Variants in SAMD3 observed in about 807,000 individuals in gnomAD.
The protein encoded by SAMD3 is sterile alpha motif domain-containing protein 3.
SAMD3 carries 63 observed loss-of-function variants against 58.5 expected under a neutral mutation model. The observed-to-expected ratio is 1.08, with a 90% CI of 0.88 to 1.33. The LOEUF (loss-of-function observed/expected upper bound fraction) is 1.33, where lower values mean the gene tolerates loss of function less well. Ranked by LOEUF, SAMD3 falls within the 40% of genes most tolerant of loss-of-function variation. The pLI, the probability that SAMD3 is intolerant of heterozygous loss-of-function variation, is 0.00. For missense variants in SAMD3, 604 were observed against 608.4 expected (o/e 0.99, Z 0.08); for synonymous variants, 220 against 210.3 (o/e 1.05, Z -0.40).
intron 2 of SAMD3, among the ~76,000 whole-genome samples, chr6:130,301,520 A>G (rs1048897155): frequency 2.0e-5 from 3 of 152,212 alleles, no homozygotes; most frequent in African/African-American, 7.2e-5. Context: ...AGCAATCCAT[A>G]AATTCAATGC....
chr6:130,242,876 C>T (rs1175703473), intron 2 of SAMD3, among the ~76,000 whole-genome samples: 1 of 152,194 alleles, frequency 6.6e-6, no homozygotes, highest in African/African-American at 2.4e-5. Flanking sequence ...TAGCTGGAGT[C>T]AGGCACTGCC....
chr6:130,308,428 C>CTATTG (rs1776020785), intron 2 of SAMD3, among the ~76,000 whole-genome samples: 1 of 120,866 alleles, frequency 8.3e-6, no homozygotes, highest in Non-Finnish European at 1.9e-5. Flanking sequence ...CTATTCTATT[C>CTATTG]TATTCTATTC....
chr6:130,263,672 T>C (rs1465447222), intron 2 of SAMD3, among the ~76,000 whole-genome samples: 1 of 152,214 alleles, frequency 6.6e-6, no homozygotes, highest in Non-Finnish European at 1.5e-5. Context: ...ACCAAGTCAA[T>C]TTCGCCTCAA....
intron 1 of SAMD3, among the ~76,000 whole-genome samples, chr6:130,356,211 T>C (rs553293072): frequency 4.6e-5 from 7 of 152,242 alleles, no homozygotes; most frequent in South Asian, 2.1e-4. Context: ...CCTTATCCTC[T>C]CTCATCAATC....
chr6:130,204,267 G>A (rs1193847668), intron 5 of SAMD3, among the ~76,000 whole-genome samples: 2 of 152,048 alleles, frequency 1.3e-5, no homozygotes, highest in Admixed American at 6.5e-5. Flanking sequence ...TTCAAACAGG[G>A]TAGACAAAAA....
rs189223641 is a variant in SAMD3, at chr6:130,362,922, G to A, written c.-304+2198C>T. 2.7e-3 allele frequency among the ~76,000 whole-genome samples: 408 copies of A among 151,942 alleles called. 1 individual carries two copies. The highest frequency in any genetic ancestry group is 4.0e-3 in the Non-Finnish European group (275 of 67,924). On this transcript the variant is annotated intron_variant, in intron 1 of 13. Transcript: ENST00000368134. ...ATGACAAAGTGCTATTCAAAATCAC[G>A]GTGAAATAAAAATGACCTTAAAATT...
At chr6:130,206,517 G>C (rs1307472954) in intron 5 of SAMD3, among the ~76,000 whole-genome samples, 1 of 152,206 alleles carries the variant, frequency 6.6e-6, no homozygotes. Context: ...TGGATGCTGG[G>C]AAATGCTTTT....
At chr6:130,179,462 T>C (rs1013591499) in intron 7 of SAMD3, among the ~76,000 whole-genome samples, 6 of 152,130 alleles carry the variant, frequency 3.9e-5, no homozygotes, top group Non-Finnish European at 8.8e-5. Flanking sequence ...TGTTGTGACA[T>C]ATGAAGCAGT....
chr6:130,280,748 G>C (rs1774952796), intron 2 of SAMD3, among the ~76,000 whole-genome samples: 1 of 152,096 alleles, frequency 6.6e-6, no homozygotes, highest in African/African-American at 2.4e-5. Context: ...GTTATCTAAA[G>C]ATAGTCTTTA....
At chr6:130,245,265 A>T (rs1340675587) in intron 2 of SAMD3, among the ~76,000 whole-genome samples, 2 of 152,250 alleles carry the variant, frequency 1.3e-5, no homozygotes, top group East Asian at 1.9e-4. Context: ...GTGATCAGAA[A>T]TGTCTAGAAG....
chr6:130,270,321 G>A (rs1400619470), intron 2 of SAMD3, among the ~76,000 whole-genome samples: 1 of 152,160 alleles, frequency 6.6e-6, no homozygotes, highest in African/African-American at 2.4e-5. Flanking sequence ...TCAAACTCCT[G>A]GCCTCAAGAG....
intron 5 of SAMD3, 36 bp downstream of exon 5, chr6:130,209,459 T>C: frequency 9.2e-7 from 1 of 1,090,576 alleles, no homozygotes; most frequent in Non-Finnish European, 1.4e-6. Flanking sequence ...AAGAATGTTA[T>C]TTGGCTTTAA....
intron 1 of SAMD3, among the ~76,000 whole-genome samples, chr6:130,344,712 T>A (rs1370841153): frequency 2.0e-5 from 3 of 151,012 alleles, no homozygotes; most frequent in Non-Finnish European, 4.4e-5. Context: ...TAACAGGGAA[T>A]CCTTTGCTGC....
At chr6:130,248,280 T>C (rs926214565) in intron 2 of SAMD3, among the ~76,000 whole-genome samples, 3 of 151,980 alleles carry the variant, frequency 2.0e-5, no homozygotes, top group Admixed American at 6.6e-5. Flanking sequence ...TCACAGCATT[T>C]CAACATTGTT....
intron 1 of SAMD3, among the ~76,000 whole-genome samples, chr6:130,353,350 GGGA>G (rs1333237731): frequency 1.5e-4 from 23 of 152,244 alleles, no homozygotes; most frequent in Middle Eastern, 6.8e-3. Flanking sequence ...AAACCTAGAG[GGGA>G]GGAGAAGAGC....
chr6:130,192,242 T>C (rs771447462), intron 5 of SAMD3, among the ~76,000 whole-genome samples: 2 of 152,232 alleles, frequency 1.3e-5, no homozygotes, highest in African/African-American at 2.4e-5. Context: ...AAATATAACA[T>C]TGTATGATTG....
chr6:130,236,013 A>G (rs1441124286), intron 2 of SAMD3, among the ~76,000 whole-genome samples: 1 of 152,216 alleles, frequency 6.6e-6, no homozygotes, highest in African/African-American at 2.4e-5. Context: ...CACCCAATAC[A>G]CATAACCTAA....
At chr6:130,145,890 T>C in intron 10 of SAMD3, 120 bp downstream of exon 10, 1 of 396,942 alleles carries the variant, frequency 2.5e-6, no homozygotes, top group Non-Finnish European at 4.1e-6. Flanking sequence ...AATTTTTAAA[T>C]ATATTTTTAA....
intron 1 of SAMD3, among the ~76,000 whole-genome samples, chr6:130,318,461 C>T (rs1226308040): frequency 6.6e-6 from 1 of 152,108 alleles, no homozygotes; most frequent in African/African-American, 2.4e-5. Context: ...CAAAGTCTCA[C>T]TCTGTCGCCC....
Sources: gnomAD v4.1 joint callset for allele counts (sites outside exome capture counted in the v4.1 genomes callset) on GRCh38, gnomAD v4.1.1 for gene constraint, MANE v1.5 for transcripts, NCBI Gene and HGNC (gene_info 2026-07-23, HGNC 2026-07-21) for gene names.